Variants in KLF12 observed in about 807,000 individuals in gnomAD.
KLF12 encodes the protein KLF transcription factor 12.
A neutral mutation model predicts 37.8 loss-of-function variants in KLF12; 9 were observed. The observed-to-expected ratio is 0.24, with a 90% confidence interval of 0.14 to 0.42. The LOEUF (loss-of-function observed/expected upper bound fraction) is 0.42. Among genes scored for constraint, KLF12 ranks in the 10% least tolerant of loss-of-function variants. KLF12 has a pLI of 1.00. For synonymous variants in KLF12, 208 were observed against 202.1 expected (o/e 1.03, Z -0.25); for missense variants, 411 against 516.0 (o/e 0.80, Z 1.97).
the KLF12 span, among the ~76,000 whole-genome samples, chr13:74,304,272 T>G: frequency 6.6e-6 from 1 of 152,174 alleles, no homozygotes; most frequent in African/African-American, 2.4e-5. Context: ...TTTTTCTTTT[T>G]GTGGAAATTT....
At chr13:73,809,506 C>T (rs1209380114) in intron 5 of KLF12, among the ~76,000 whole-genome samples, 2 of 68,736 alleles carry the variant, frequency 2.9e-5, no homozygotes, top group Admixed American at 2.7e-4. Context: ...AACCTATGTA[C>T]AGAATTTTTA....
chr13:74,245,617 C>T, the KLF12 span, among the ~76,000 whole-genome samples: 1 of 151,984 alleles, frequency 6.6e-6, no homozygotes, highest in Admixed American at 6.6e-5. Context: ...CTCTGAGAAC[C>T]TTGTTTTATT....
At chr13:74,058,983 A>G (rs1023407586) in intron 1 of KLF12, among the ~76,000 whole-genome samples, 1 of 152,154 alleles carries the variant, frequency 6.6e-6, no homozygotes, top group African/African-American at 2.4e-5. Flanking sequence ...CCCAGTGTCT[A>G]TTGTTTATGA....
intron 4 of KLF12, among the ~76,000 whole-genome samples, chr13:73,837,013 C>T (rs1010791579): frequency 6.6e-6 from 1 of 152,206 alleles, no homozygotes. Context: ...TAAACATCTT[C>T]TTGCTTTAGC....
chr13:73,956,460 T>A (rs1200246759), intron 2 of KLF12, among the ~76,000 whole-genome samples: 2 of 152,152 alleles, frequency 1.3e-5, no homozygotes, highest in African/African-American at 4.8e-5. Flanking sequence ...GTAGGATGCT[T>A]AGCAGCATCC....
At chr13:74,182,752 A>G in the KLF12 span, among the ~76,000 whole-genome samples, 2 of 152,226 alleles carry the variant, frequency 1.3e-5, no homozygotes, top group African/African-American at 2.4e-5. Context: ...CATTGCTTCC[A>G]CAAAACATTA....
At chr13:73,695,775 C>T in intron 7 of KLF12, 104 bp from the exon 8 acceptor site, 1 of 1,099,130 alleles carries the variant, frequency 9.1e-7, no homozygotes, top group Non-Finnish European at 1.3e-6. Context: ...ATGAATTTTC[C>T]CGTTGGTAAA....
intron 3 of KLF12, among the ~76,000 whole-genome samples, chr13:73,909,690 A>T (rs1461085446): frequency 6.6e-6 from 1 of 152,190 alleles, no homozygotes; most frequent in Non-Finnish European, 1.5e-5. Context: ...ATCTACATAT[A>T]CCAGGCATCC....
chr13:74,237,632 T>A, the KLF12 span, among the ~76,000 whole-genome samples: 1 of 150,626 alleles, frequency 6.6e-6, no homozygotes, highest in Admixed American at 6.6e-5. Flanking sequence ...CAGTGGTTTG[T>A]AGTTCTCCTT....
intron 1 of KLF12, among the ~76,000 whole-genome samples, chr13:74,028,040 T>C (rs146707681): frequency 6.6e-6 from 1 of 152,320 alleles, no homozygotes; most frequent in East Asian, 1.9e-4. Flanking sequence ...ATAGCCATTA[T>C]ATCCATTGCT....
intron 2 of KLF12, among the ~76,000 whole-genome samples, chr13:73,974,226 T>C (rs1026724348): frequency 3.3e-5 from 5 of 151,476 alleles, no homozygotes; most frequent in South Asian, 2.1e-4. Context: ...GAAGAACAGA[T>C]TGAAATAACA....
At chr13:73,708,297 A>G (rs1191442248) in intron 7 of KLF12, among the ~76,000 whole-genome samples, 3 of 152,226 alleles carry the variant, frequency 2.0e-5, no homozygotes, top group African/African-American at 4.8e-5. Context: ...ACTGGGCCTC[A>G]CAAATTTATC....
the KLF12 span, among the ~76,000 whole-genome samples, chr13:74,191,163 C>G: frequency 0.027 from 4,083 of 152,288 alleles, 85 homozygotes; most frequent in Middle Eastern, 0.075. Context: ...AATGAATTCC[C>G]CTTTCAAAGG....
rs1872916010 is a variant in KLF12 at position 74,051,363 on chromosome 13, C to CACAT, written c.-31-56311_-31-56310insATGT. Reference sequence around the variant, plus strand: ...ACAAACACACACACACACACACACACACACACACACACACAGTGGAATTCC... The same window carrying CACAT: ...ACAAACACACACACACACACACACACACATACACACACACACACAGTGGAATTCC... On this transcript the variant is annotated intron_variant, in intron 1 of 7. Transcript: ENST00000377669. 2.0e-5 allele frequency among the ~76,000 whole-genome samples: 3 copies of CACAT among 151,536 alleles called. No individual in the cohort carries two copies. In the South Asian group the frequency reaches 6.3e-4, roughly 32 times the overall value.
intron 3 of KLF12, among the ~76,000 whole-genome samples, chr13:73,848,852 A>G (rs1885165424): frequency 6.6e-6 from 1 of 152,130 alleles, no homozygotes; most frequent in South Asian, 2.1e-4. Flanking sequence ...AATCACAGAG[A>G]CAGACGCTGG....
chr13:73,794,752 A>G (rs945392060), intron 5 of KLF12, among the ~76,000 whole-genome samples: 3 of 152,168 alleles, frequency 2.0e-5, no homozygotes, highest in African/African-American at 7.2e-5. Context: ...ATTACCCTAT[A>G]TTCTTTCTTT....
intron 1 of KLF12, among the ~76,000 whole-genome samples, chr13:74,092,332 C>A (rs1488404831): frequency 6.8e-6 from 1 of 147,944 alleles, no homozygotes; most frequent in Non-Finnish European, 1.5e-5. Flanking sequence ...TCATCAAAAT[C>A]AAAAACTTCT....
At chr13:73,783,786 T>C (rs1173049496) in intron 5 of KLF12, among the ~76,000 whole-genome samples, 1 of 152,162 alleles carries the variant, frequency 6.6e-6, no homozygotes, top group Non-Finnish European at 1.5e-5. Flanking sequence ...AAATTATGCC[T>C]TCCTGTTCTT....
chr13:74,105,252 T>C (rs1200663585), intron 1 of KLF12, among the ~76,000 whole-genome samples: 2 of 152,178 alleles, frequency 1.3e-5, no homozygotes, highest in African/African-American at 4.8e-5. Context: ...AATTTCAGAA[T>C]TCTTAAAATA....
Sources: allele counts gnomAD v4.1 joint callset (sites outside exome capture counted in the v4.1 genomes callset), GRCh38; gene constraint gnomAD v4.1.1; transcripts MANE v1.5; gene names NCBI Gene and HGNC (gene_info 2026-07-23, HGNC 2026-07-21).